ZNF687: variants seen among roughly 807,000 people sequenced by gnomAD.
ZNF687 encodes zinc finger protein 687.
A neutral mutation model predicts 71.8 loss-of-function variants in ZNF687; 13 were observed. The ratio of observed to expected loss-of-function variants is 0.18; its 90% CI spans 0.12 to 0.29. The LOEUF (loss-of-function observed/expected upper bound fraction) is 0.29. Among genes scored for constraint, ZNF687 ranks in the 10% least tolerant of loss-of-function variants. ZNF687 has a pLI of 1.00. For missense variants in ZNF687, 1,412 were observed against 1,625.6 expected, an observed-to-expected ratio of 0.87 and a Z score of 2.26; for synonymous variants, 673 against 641.6, an observed-to-expected ratio of 1.05 and a Z score of -0.74.
rs1432596229 is a variant in ZNF687 at position 151,288,329 on chromosome 1, G to C, written c.2038G>C (p.Glu680Gln). The C allele has an allele frequency of 5.0e-6, 8 of 1,611,908 alleles. No individual in the cohort carries two copies. The highest frequency in any genetic ancestry group is 6.8e-6 in the Non-Finnish European group (8 of 1,179,992). The change falls in exon 2 of 9, where the codon GAA (glutamate) becomes CAA (glutamine). Residue 680 changes from glutamate to glutamine, a missense_variant. Glu to Gln is a conservative substitution (Grantham distance 29). Transcript: ENST00000336715. ...YTCFRCLECK[E>Q]QCRDKAGMAA... is the part of the protein sequence containing the mutation. ...ATGCTTTCGCTGCCTGGAGTGCAAG[G>C]AACAGTGCCGGGACAAGGCTGGCAT...
rs1694197756 is a variant in ZNF687, at chr1:151,290,702, C to T, written c.3220-13C>T. On this transcript the variant is annotated splice_polypyrimidine_tract_variant and intron_variant, in intron 8 of 8. Coordinates refer to ENST00000336715, the MANE Select transcript of ZNF687 (RefSeq NM_020832.3). ...GGTGGTGGTAAGGCCCAGTTTCTTC[C>T]ACTTTTCTTCAGGGGCCAGGTCGGA... is the stretch of plus-strand genomic sequence containing the variant. 1.3e-6 allele frequency: 2 copies of T among 1,589,108 alleles called. No homozygotes were observed. The highest frequency in any genetic ancestry group is 1.1e-5 in the South Asian group (1 of 88,018).
In ZNF687 at chr1:151,287,671, T is replaced by A. The variant is rs587651381; in HGVS notation, c.1380T>A (p.Thr460=). ...CTGACGGGCGGGCAGGGCTGGGGACTGGGGGACAGAAGGTGAATGGTGCCT... is the reference window on the plus strand; with the variant it reads ...CTGACGGGCGGGCAGGGCTGGGGACAGGGGGACAGAAGGTGAATGGTGCCT... The part of the protein sequence containing the change: ...PKADGRAGLG[T]GGQKVNGASV... The change falls in exon 2 of 9, where the codon ACT becomes ACA. Residue 460 remains threonine, a synonymous_variant. Coordinates refer to ENST00000336715, the MANE Select transcript of ZNF687 (RefSeq NM_020832.3). The surrounding 1 kb of genome is among the most constrained non-coding windows in gnomAD (Gnocchi z 5.0). 4.3e-6 allele frequency: 7 copies of A among 1,612,980 alleles called. No individual in the cohort carries two copies. Among genetic ancestry groups the A allele is most frequent in the Non-Finnish European group, 5.9e-6 (7 of 1,179,660 alleles).
Position 151,291,335 on chromosome 1 carries a change from T to C in ZNF687, c.*126T>C. The C allele has an allele frequency of 7.9e-7, 1 of 1,258,872 alleles. No individual in the cohort carries two copies. The highest frequency in any genetic ancestry group is 1.1e-6 in the Non-Finnish European group (1 of 934,874). 78.0% of individuals were successfully genotyped at this position (1,258,872 alleles called of 1,614,324 possible). A position where few individuals can be genotyped will look rare whatever the true frequency, so the allele number is the denominator to read the frequency against. The stretch of plus-strand genomic sequence containing the variant: ...TTTGTTAATTCCTGTCTCTCCAACC[T>C]GAAGAAGAAGAGCATTTGAGGATTA... On this transcript the variant is annotated 3_prime_UTR_variant, in exon 9 of 9. Transcript: ENST00000336715.
chr1:151,282,181 GA>G, upstream of ZNF687: 2 of 1,128,306 alleles, frequency 1.8e-6, no homozygotes, highest in Non-Finnish European at 2.3e-6. Context: ...TGCGGGGCTG[GA>G]AGGGGCACAG....
chr1:151,290,861 G>C lies in ZNF687; in HGVS notation c.3366G>C (p.Gln1122His). 6.2e-7 allele frequency: 1 copy of C among 1,614,106 alleles called. No homozygotes were observed. Among genetic ancestry groups the C allele is most frequent in the Non-Finnish European group, 8.5e-7 (1 of 1,180,032 alleles). ...LRYRSSSSTE[Q>H]SLMMGLRVED... The stretch of plus-strand genomic sequence containing the variant: ...ACCGGAGCAGCAGCTCCACAGAACA[G>C]AGCCTCATGATGGGGTTGAGGGTGG... Residue 1122 changes from glutamine to histidine, a missense_variant, in exon 9 of 9, where the codon CAG becomes CAC. By Grantham distance (24) the Gln-to-His change is conservative. Coordinates refer to ENST00000336715, the MANE Select transcript of ZNF687 (RefSeq NM_020832.3).
Position 151,282,307 on chromosome 1 carries a change from G to T in ZNF687, c.-106G>T. On this transcript the variant is annotated 5_prime_UTR_variant, in exon 1 of 9. Coordinates refer to ENST00000336715, the MANE Select transcript of ZNF687 (RefSeq NM_020832.3). ...CCGAACCGGAGAGAAGCAGGAAGTA[G>T]CGGCGGCCGCGGGGAGGGCGGCGGT... The T allele has an allele frequency of 1.0e-6, 1 of 1,001,026 alleles. No homozygotes were observed. Among genetic ancestry groups the T allele is most frequent in the African/African-American group, 1.7e-5 (1 of 57,906 alleles). The allele number at this position is 1,001,026 out of a possible 1,614,324, so 62.0% of individuals were successfully genotyped here.
intron 1 of ZNF687, chr1:151,283,064 G>GGGCCT: frequency 9.2e-6 from 9 of 979,522 alleles, no homozygotes; most frequent in Non-Finnish European, 1.1e-5. Flanking sequence ...AGCTCCCAAA[G>GGGCCT]GGCCTGGCCT....
At position 151,288,155 on chromosome 1, in the gene ZNF687, C is replaced by T. The variant is rs1277845769; in HGVS notation, c.1864C>T (p.Pro622Ser). The T allele has an allele frequency of 6.2e-7, 1 of 1,613,888 alleles. No homozygotes were observed. The highest frequency in any genetic ancestry group is 1.7e-5 in the Admixed American group (1 of 60,034). ...DITPLLPVAVPPVSGPLALPA... is the reference protein window; with the variant it reads ...DITPLLPVAVSPVSGPLALPA... Reference sequence around the variant, plus strand: ...CACACCGCTGCTGCCTGTAGCTGTCCCACCTGTCTCTGGACCTCTGGCCTT... The same window carrying T: ...CACACCGCTGCTGCCTGTAGCTGTCTCACCTGTCTCTGGACCTCTGGCCTT... Residue 622 changes from proline (P) to serine (S), a missense_variant, in exon 2 of 9, where the codon CCA becomes TCA. By Grantham distance (74) the Pro-to-Ser change is moderately conservative. Transcript: ENST00000336715.
At position 151,287,109 on chromosome 1, in the gene ZNF687, T is replaced by C; in HGVS notation, c.818T>C (p.Leu273Pro). ...CAGTCTCCAGGGCACCAGAGCCCTCTTGCCTCCCCCAAAGTGCCCGTCTGT... is the reference window on the plus strand; with the variant it reads ...CAGTCTCCAGGGCACCAGAGCCCTCCTGCCTCCCCCAAAGTGCCCGTCTGT... ...FKQSPGHQSP[L>P]ASPKVPVCQP... The change falls in exon 2 of 9, where the codon CTT becomes CCT. Residue 273 changes from leucine (L) to proline (P), a missense_variant. Around this residue, in one of 8 missense-constraint regions of ZNF687, gnomAD observed 490 missense variants for 489.9 expected, o/e 1.00. Transcript: ENST00000336715. This position sits in a 1 kb window ranked among gnomAD's most constrained non-coding sequence, Gnocchi z 5.0. 2.5e-6 allele frequency: 4 copies of C among 1,614,092 alleles called. No homozygotes were observed. The highest frequency in any genetic ancestry group is 3.4e-6 in the Non-Finnish European group (4 of 1,180,006).
At position 151,288,058 on chromosome 1, in the gene ZNF687, G is replaced by T; in HGVS notation, c.1767G>T (p.Gly589=). The change falls in exon 2 of 9, where the codon GGG becomes GGT. Residue 589 remains glycine (G), a synonymous_variant. Transcript: ENST00000336715. ...LLHAREHKDK[G]LVMQCSHLVM... is the part of the protein sequence containing the mutation. ...ATGCACGTGAACACAAGGACAAGGG[G>T]CTCGTCATGCAGTGCTCACATTTGG... 1 of 1,614,056 alleles carries T rather than the reference G, an allele frequency of 6.2e-7. No homozygotes were observed.
rs754934494 is a variant in ZNF687 at position 151,291,247 on chromosome 1, G to A, written c.*38G>A. The stretch of plus-strand genomic sequence containing the variant: ...GGGACTGACCAGCCCCTTCCTCTTG[G>A]AGCCTGGTTTTCCCTACTGCTGCCT... On this transcript the variant is annotated 3_prime_UTR_variant, in exon 9 of 9. Coordinates refer to ENST00000336715, the MANE Select transcript of ZNF687 (RefSeq NM_020832.3). 1.0e-5 allele frequency: 16 copies of A among 1,553,446 alleles called. No individual in the cohort carries two copies. In the East Asian group the frequency reaches 3.6e-4, roughly 35 times the overall value.
chr1:151,290,441 A>G lies in ZNF687; in HGVS notation c.3087A>G (p.Thr1029=). The G allele has an allele frequency of 1.2e-6, 2 of 1,613,940 alleles. No homozygotes were observed. Among genetic ancestry groups the G allele is most frequent in the Non-Finnish European group, 1.7e-6 (2 of 1,180,020 alleles). Reference sequence around the variant, plus strand: ...TCCTCTCCCATTTCAGGTATTGCACAGAGGGAAAACGCACCTTCAGCAGCC... The same window carrying G: ...TCCTCTCCCATTTCAGGTATTGCACGGAGGGAAAACGCACCTTCAGCAGCC... ...IKRVYPCRYC[T]EGKRTFSSRL... The change falls in exon 8 of 9, where the codon ACA becomes ACG. Residue 1029 remains threonine (T), a synonymous_variant. Transcript: ENST00000336715.
chr1:151,289,040 G>C, intron 3 of ZNF687, 55 bp from the exon 4 acceptor site: 6 of 1,572,546 alleles, frequency 3.8e-6, no homozygotes, highest in Non-Finnish European at 5.2e-6. Context: ...ATGGTCCCGG[G>C]GTGGGCATGG....
chr1:151,283,108 G>A (rs950269335), intron 1 of ZNF687: 10 of 985,354 alleles, frequency 1.0e-5, no homozygotes, highest in Non-Finnish European at 1.2e-5. Context: ...GCACGCCGGT[G>A]CGAGTGAGAG....
At chr1:151,283,033 G>A (rs1421430791) in intron 1 of ZNF687, 1 of 841,288 alleles carries the variant, frequency 1.2e-6, no homozygotes, top group East Asian at 1.2e-4. Flanking sequence ...TGTAGTCCTG[G>A]GTCCCCAGGT....
chr1:151,286,455 C>T lies in ZNF687; in HGVS notation c.164C>T (p.Ala55Val), dbSNP rs773913228. The T allele has an allele frequency of 3.7e-6, 6 of 1,613,866 alleles. No homozygotes were observed. Among genetic ancestry groups the T allele is most frequent in the Non-Finnish European group, 2.5e-6 (3 of 1,179,816 alleles). ...GTAGGAAGTGAATCTGAAGACACAGCAGCAGCCTCTGCTGGGGATGGCCCT... is the reference window on the plus strand; with the variant it reads ...GTAGGAAGTGAATCTGAAGACACAGTAGCAGCCTCTGCTGGGGATGGCCCT... ...PGVGSESEDT[A>V]AASAGDGPGV... Residue 55 changes from alanine (A) to valine (V), a missense_variant, in exon 2 of 9, where the codon GCA becomes GTA. Around this residue, in one of 8 missense-constraint regions of ZNF687, gnomAD observed 490 missense variants for 489.9 expected, o/e 1.00. Transcript: ENST00000336715.
chr1:151,290,662 G>A, intron 8 of ZNF687, 53 bp from the exon 9 acceptor site: 2 of 1,578,354 alleles, frequency 1.3e-6, no homozygotes, highest in Non-Finnish European at 1.7e-6. Context: ...GCATGGGGGT[G>A]CCAGGGACAG....
Position 151,286,772 on chromosome 1 carries a change from G to T in ZNF687, c.481G>T (p.Asp161Tyr). 1.9e-6 allele frequency: 3 copies of T among 1,614,172 alleles called. No homozygotes were observed. Among genetic ancestry groups the T allele is most frequent in the Non-Finnish European group, 2.5e-6 (3 of 1,180,048 alleles). ...EKGMEGKTPLDLFAHFGPEPG... is the reference protein window; with the variant it reads ...EKGMEGKTPLYLFAHFGPEPG... The stretch of plus-strand genomic sequence containing the variant: ...AGGCATGGAAGGCAAAACTCCCTTG[G>T]ACCTGTTTGCTCATTTTGGCCCTGA... Residue 161 changes from aspartate (D) to tyrosine (Y), a missense_variant, in exon 2 of 9, where the codon GAC (aspartate) becomes TAC (tyrosine). Asp to Tyr is a radical substitution (Grantham distance 160). Transcript: ENST00000336715.
chr1:151,285,376 A>G (rs1693901200), intron 1 of ZNF687: 1 of 151,752 alleles, frequency 6.6e-6, no homozygotes, highest in South Asian at 2.1e-4. Flanking sequence ...GGTTTCCACC[A>G]GAATGCTCAC....
Sources: gnomAD v4.1 joint callset for allele counts on GRCh38, gnomAD v4.1.1 for gene constraint, gnomAD v4.1.1 regional missense constraint, Gnocchi (gnomAD v3.1) non-coding constraint, MANE v1.5 for transcripts, NCBI Gene and HGNC (gene_info 2026-07-23, HGNC 2026-07-21) for gene names.